Variants in FAM133B observed in about 807,000 individuals in gnomAD.
FAM133B encodes the protein family with sequence similarity 133 member B.
FAM133B carries 25 observed loss-of-function variants against 46.4 expected under a neutral mutation model. The observed-to-expected ratio is 0.54, with a 90% CI of 0.39 to 0.75. The LOEUF (loss-of-function observed/expected upper bound fraction) is 0.75. Ranked by LOEUF, FAM133B falls within the 30% of genes least tolerant of loss-of-function variation. The pLI is 0.00. For synonymous variants in FAM133B, 75 were observed against 86.0 expected (o/e 0.87, Z 0.71); for missense variants, 205 against 277.6 (o/e 0.74, Z 1.86).
At chr7:92,586,977 C>T (rs1795053443) in intron 1 of FAM133B, among the ~76,000 whole-genome samples, 1 of 152,166 alleles carries the variant, frequency 6.6e-6, no homozygotes, top group Non-Finnish European at 1.5e-5. Flanking sequence ...AAACTACTGA[C>T]TCTGGGTGAT....
chr7:92,584,286 G>T (rs908945039), intron 1 of FAM133B, among the ~76,000 whole-genome samples: 1 of 152,046 alleles, frequency 6.6e-6, no homozygotes, highest in African/African-American at 2.4e-5. Flanking sequence ...CTCAAGGTTG[G>T]TTTAAGGTGT....
chr7:92,578,221 G>A (rs1207964191), intron 4 of FAM133B, 39 bp from the exon 5 acceptor site: 3 of 1,608,556 alleles, frequency 1.9e-6, no homozygotes, highest in East Asian at 2.2e-5. Context: ...ATAAGCTGAT[G>A]TGAGTTTGCA....
At chr7:92,587,905 A>C (rs1329926652) in intron 1 of FAM133B, among the ~76,000 whole-genome samples, 1 of 152,148 alleles carries the variant, frequency 6.6e-6, no homozygotes, top group Non-Finnish European at 1.5e-5. Context: ...GCTATGCACG[A>C]GTGGGGTCAG....
chr7:92,573,113 C>CACTAAAGAAA (rs1794584993), intron 8 of FAM133B, among the ~76,000 whole-genome samples: 1 of 147,926 alleles, frequency 6.8e-6, no homozygotes, highest in East Asian at 1.9e-4. Context: ...GAAAGACATA[C>CACTAAAGAAA]ACTAGTTTCA....
rs1794373026 is a variant in FAM133B at position 92,567,080 on chromosome 7, T to C, written c.610-1019A>G. ...ATTTTTGTTAAAAATTAGTGGGGTG[T>C]GGTGGCATGTGACTGTAGTCCTAGC... On this transcript the variant is annotated intron_variant, in intron 9 of 10. Coordinates refer to ENST00000445716, the MANE Select transcript of FAM133B (RefSeq NM_152789.4). Among the ~76,000 whole-genome samples the C allele has an allele frequency of 5.3e-5, 8 of 151,998 alleles. No individual in the cohort carries two copies. In the South Asian group the frequency reaches 1.7e-3, roughly 32 times the overall value.
intron 1 of FAM133B, among the ~76,000 whole-genome samples, chr7:92,588,725 A>G (rs1328098738): frequency 6.6e-6 from 1 of 152,182 alleles, no homozygotes; most frequent in Non-Finnish European, 1.5e-5. Flanking sequence ...CGGAGTTCTC[A>G]TGAATGGCTT....
At chr7:92,579,176 G>T (rs74591953) in intron 3 of FAM133B, 141 bp downstream of exon 3, 56 of 621,474 alleles carry the variant, frequency 9.0e-5, no homozygotes, top group East Asian at 3.0e-4. Context: ...AGGGCGGCGG[G>T]GGGGGGCCTT....
chr7:92,576,391 G>A (rs890924858), intron 7 of FAM133B, among the ~76,000 whole-genome samples: 2 of 152,116 alleles, frequency 1.3e-5, no homozygotes, highest in Admixed American at 1.3e-4. Context: ...AAGACAAAGA[G>A]AAAACCAACA....
Position 92,563,637 on chromosome 7 carries a change from C to T in FAM133B, c.658-1269G>A, listed in dbSNP as rs184592584. On this transcript the variant is annotated intron_variant, in intron 10 of 10. Coordinates refer to ENST00000445716, the MANE Select transcript of FAM133B (RefSeq NM_152789.4). ...TCAGTCCTACTCTTTGACCTCAGGA[C>T]GATAAGTGCCTCATTAACAGCTCTA... Among the ~76,000 whole-genome samples, 318 of 152,242 alleles carry T rather than the reference C, an allele frequency of 2.1e-3. 1 individual carries two copies. The highest frequency in any genetic ancestry group is 7.1e-3 in the African/African-American group (293 of 41,554).
Position 92,567,170 on chromosome 7 carries a change from C to A in FAM133B, c.610-1109G>T, listed in dbSNP as rs111717569. On this transcript the variant is annotated intron_variant, in intron 9 of 10. Coordinates refer to ENST00000445716, the MANE Select transcript of FAM133B (RefSeq NM_152789.4). ...AGTTCCAGGCTGCAGTGATCTATGA[C>A]TGCACCATTGCCCTCCAGCCTGGGC... 1.2e-4 allele frequency among the ~76,000 whole-genome samples: 19 copies of A among 152,060 alleles called. 1 individual carries two copies. The highest frequency in any genetic ancestry group is 4.3e-4 in the African/African-American group (18 of 41,478).
chr7:92,582,960 T>A (rs923286126), intron 1 of FAM133B, among the ~76,000 whole-genome samples: 1 of 152,222 alleles, frequency 6.6e-6, no homozygotes, highest in Non-Finnish European at 1.5e-5. Context: ...AACTACCACA[T>A]GATCCTATAT....
intron 1 of FAM133B, among the ~76,000 whole-genome samples, chr7:92,586,599 T>C (rs1795044081): frequency 6.6e-6 from 1 of 152,216 alleles, no homozygotes; most frequent in African/African-American, 2.4e-5. Flanking sequence ...GTAACTAGAA[T>C]TCTCTGTGGC....
chr7:92,588,549 A>G (rs1795098766), intron 1 of FAM133B, among the ~76,000 whole-genome samples: 1 of 152,178 alleles, frequency 6.6e-6, no homozygotes, highest in Non-Finnish European at 1.5e-5. Context: ...AAGATTCACT[A>G]CCACAGTGGT....
At chr7:92,590,037 G>A (rs1795150513) in intron 1 of FAM133B, 2 of 606,746 alleles carry the variant, frequency 3.3e-6, no homozygotes, top group South Asian at 2.0e-5. Flanking sequence ...CAGAAAGAGC[G>A]ACGAGGTGAG....
chr7:92,576,242 G>A (rs1366168711), intron 7 of FAM133B, among the ~76,000 whole-genome samples: 1 of 152,166 alleles, frequency 6.6e-6, no homozygotes, highest in African/African-American at 2.4e-5. Flanking sequence ...TATCCATAAA[G>A]CGGATTACCA....
At chr7:92,587,387 A>G (rs1302599835) in intron 1 of FAM133B, among the ~76,000 whole-genome samples, 2 of 152,198 alleles carry the variant, frequency 1.3e-5, no homozygotes, top group African/African-American at 2.4e-5. Context: ...ACTTGGGGAC[A>G]GGGGTGGTAG....
intron 10 of FAM133B, 149 bp from the exon 11 acceptor site, chr7:92,562,517 C>T (rs1480469543): frequency 1.7e-6 from 2 of 1,151,072 alleles, no homozygotes; most frequent in Non-Finnish European, 2.3e-6. Context: ...GTCTCAACAA[C>T]CAGTATCATA....
chr7:92,579,466 C>T, intron 2 of FAM133B, 71 bp from the exon 3 acceptor site: 2 of 1,066,396 alleles, frequency 1.9e-6, no homozygotes, highest in Non-Finnish European at 2.7e-6. Context: ...AATAAGACAA[C>T]AAAATTTCAT....
intron 5 of FAM133B, 83 bp from the exon 6 acceptor site, chr7:92,577,800 T>C (rs1403362820): frequency 1.8e-6 from 2 of 1,094,034 alleles, no homozygotes; most frequent in South Asian, 1.6e-5. Flanking sequence ...CTTAGTGAAA[T>C]CAATCTAGTG....
Sources: gnomAD v4.1 joint callset for allele counts (sites outside exome capture counted in the v4.1 genomes callset) on GRCh38, gnomAD v4.1.1 for gene constraint, MANE v1.5 for transcripts, NCBI Gene and HGNC (gene_info 2026-07-23, HGNC 2026-07-21) for gene names.